Variants in KIF6 observed in about 807,000 individuals in gnomAD.
The protein encoded by KIF6 is kinesin-like protein KIF6.
KIF6 carries 106 observed loss-of-function variants against 112.7 expected under a neutral mutation model. That is an observed-to-expected ratio of 0.94 (90% CI 0.80 to 1.11). KIF6 has a LOEUF of 1.11. Among genes scored for constraint, KIF6 ranks in the 50% least tolerant of loss-of-function variants. The pLI, the probability that KIF6 is intolerant of heterozygous loss-of-function variation, is 0.00. For missense variants in KIF6, 929 were observed against 964.0 expected, an observed-to-expected ratio of 0.96 and a Z score of 0.48; for synonymous variants, 339 against 339.9, an observed-to-expected ratio of 1.00 and a Z score of 0.03.
intron 3 of KIF6, among the ~76,000 whole-genome samples, chr6:39,696,073 G>A (rs1788518193): frequency 6.6e-6 from 1 of 152,266 alleles, no homozygotes; most frequent in Non-Finnish European, 1.5e-5. Context: ...TGGGAGCTAG[G>A]CATTGGGTAT....
rs1763408818 is a variant in KIF6 at position 39,342,708 on chromosome 6, A to C, written c.2428+1001T>G. 1 of 721,894 alleles carries C rather than the reference A, an allele frequency of 1.4e-6. No individual in the cohort carries two copies. The highest frequency in any genetic ancestry group is 1.7e-6 in the Non-Finnish European group (1 of 591,440). The allele number at this position is 721,894 out of a possible 1,614,324, so 44.7% of individuals were successfully genotyped here. ...TGTCTCAGGCTTAAGAAAGGACCTGACAGTGTTGCTGAGGCTGCTGGTCCT... is the reference window on the plus strand; with the variant it reads ...TGTCTCAGGCTTAAGAAAGGACCTGCCAGTGTTGCTGAGGCTGCTGGTCCT... On this transcript the variant is annotated intron_variant, in intron 22 of 22. Coordinates refer to ENST00000287152, the MANE Select transcript of KIF6 (RefSeq NM_145027.6). This position sits in a 1 kb window ranked among gnomAD's most constrained non-coding sequence, Gnocchi z 4.7.
chr6:39,338,981 C>T (rs56079646), intron 22 of KIF6, among the ~76,000 whole-genome samples: 33,778 of 150,954 alleles, frequency 0.22, 4,357 homozygotes, highest in East Asian at 0.46. Context: ...AGAAATGCTA[C>T]AGAATAGGGG....
intron 8 of KIF6, 76 bp from the exon 9 acceptor site, chr6:39,585,060 T>G: frequency 2.3e-6 from 2 of 870,068 alleles, no homozygotes; most frequent in Non-Finnish European, 3.7e-6. Flanking sequence ...TTATCTTTTA[T>G]TCACAGAAAA....
intron 3 of KIF6, among the ~76,000 whole-genome samples, chr6:39,665,914 T>C (rs1786440309): frequency 6.6e-6 from 1 of 152,204 alleles, no homozygotes; most frequent in African/African-American, 2.4e-5. Flanking sequence ...TACACTCATA[T>C]ACAGACCACA....
intron 6 of KIF6, among the ~76,000 whole-genome samples, chr6:39,598,577 A>ATG (rs70984133): frequency 0.2 from 29,726 of 147,812 alleles, 3,064 homozygotes; most frequent in Admixed American, 0.28. Context: ...ATACATATAT[A>ATG]TGTGTGTGTG....
chr6:39,523,741 CA>C (rs1390958436), intron 13 of KIF6, among the ~76,000 whole-genome samples: 1 of 135,458 alleles, frequency 7.4e-6, no homozygotes, highest in Non-Finnish European at 1.5e-5. Flanking sequence ...CTCTTCCAGA[CA>C]GGTTTTTCCT....
chr6:39,601,239 G>A (rs961643293), intron 6 of KIF6, among the ~76,000 whole-genome samples: 1 of 151,966 alleles, frequency 6.6e-6, no homozygotes, highest in Non-Finnish European at 1.5e-5. Context: ...TCCTACTCCT[G>A]CTGGATTTCT....
intron 14 of KIF6, among the ~76,000 whole-genome samples, chr6:39,425,802 A>T (rs534728236): frequency 6.6e-6 from 1 of 151,426 alleles, no homozygotes; most frequent in South Asian, 2.1e-4. Context: ...ACAAAAAAAA[A>T]AAAAAAAGGA....
intron 10 of KIF6, among the ~76,000 whole-genome samples, chr6:39,567,055 G>A (rs951578144): frequency 1.3e-5 from 2 of 152,142 alleles, no homozygotes; most frequent in Non-Finnish European, 1.5e-5. Context: ...ATGTTCTAAA[G>A]AGGGTCATTA....
chr6:39,403,505 G>A (rs913338404), intron 15 of KIF6, among the ~76,000 whole-genome samples: 2 of 152,154 alleles, frequency 1.3e-5, no homozygotes, highest in Non-Finnish European at 2.9e-5. Context: ...TCTTTTTATT[G>A]CTGAGTAATG....
At chr6:39,361,722 G>A (rs1364148331) in intron 17 of KIF6, among the ~76,000 whole-genome samples, 1 of 151,976 alleles carries the variant, frequency 6.6e-6, no homozygotes, top group Non-Finnish European at 1.5e-5. Flanking sequence ...CTGCACATCT[G>A]CCAGGAGCGA....
intron 10 of KIF6, among the ~76,000 whole-genome samples, chr6:39,571,139 T>C (rs535194604): frequency 1.7e-4 from 26 of 152,348 alleles, no homozygotes; most frequent in Admixed American, 3.3e-4. Context: ...TTTCCACCTC[T>C]TGATAACCTG....
At chr6:39,720,659 C>A in intron 2 of KIF6, 43 bp downstream of exon 2, 2 of 1,012,312 alleles carry the variant, frequency 2.0e-6, no homozygotes, top group South Asian at 2.6e-5. Flanking sequence ...AGAGTTAGTT[C>A]AATAATGAAA....
At chr6:39,389,397 T>C (rs947408075) in intron 15 of KIF6, among the ~76,000 whole-genome samples, 1 of 152,190 alleles carries the variant, frequency 6.6e-6, no homozygotes, top group Admixed American at 6.5e-5. Context: ...TCATTCAACA[T>C]GTTTATGTTG....
intron 3 of KIF6, among the ~76,000 whole-genome samples, chr6:39,673,637 T>C (rs186126470): frequency 1.7e-4 from 26 of 152,326 alleles, no homozygotes; most frequent in African/African-American, 4.8e-4. Context: ...TTTAGGAGGT[T>C]ATCCCATTAT....
rs1562112892 is a variant in KIF6, at chr6:39,346,088, C to CTCTCTCTCTCTCTCT, written c.2232-300_2232-299insAGAGAGAGAGAGAGA. 8.7e-5 allele frequency among the ~76,000 whole-genome samples: 3 copies of CTCTCTCTCTCTCTCT among 34,486 alleles called. 1 individual carries two copies. 22.6% of individuals were successfully genotyped at this position (34,486 alleles called of 152,430 possible). ...TCTCTCTCTCTCTCTCTCTCTCTCC[C>CTCTCTCTCTCTCTCT]CCCCCTCTCCCTCCCCCCCTCCCTC... On this transcript the variant is annotated intron_variant, in intron 20 of 22. Transcript: ENST00000287152.
intron 13 of KIF6, among the ~76,000 whole-genome samples, chr6:39,511,394 AC>A (rs1776770983): frequency 1.3e-5 from 2 of 152,226 alleles, no homozygotes; most frequent in East Asian, 3.8e-4. Flanking sequence ...ACAATGAGAT[AC>A]CATCTCACAC....
chr6:39,715,910 A>G (rs1789823094), intron 2 of KIF6, among the ~76,000 whole-genome samples: 1 of 152,188 alleles, frequency 6.6e-6, no homozygotes, highest in East Asian at 1.9e-4. Flanking sequence ...ACAGAGGTCA[A>G]CATAACACAT....
chr6:39,472,510 C>T (rs1774175945), intron 13 of KIF6, among the ~76,000 whole-genome samples: 1 of 152,156 alleles, frequency 6.6e-6, no homozygotes, highest in Non-Finnish European at 1.5e-5. Flanking sequence ...GTGCCAACTG[C>T]AATAGGAAAT....
Sources: allele counts gnomAD v4.1 joint callset (sites outside exome capture counted in the v4.1 genomes callset), GRCh38; gene constraint gnomAD v4.1.1; non-coding constraint Gnocchi (gnomAD v3.1); transcripts MANE v1.5; gene names NCBI Gene and HGNC (gene_info 2026-07-23, HGNC 2026-07-21).